NKAIN3: variants seen among roughly 807,000 people sequenced by gnomAD.
The protein encoded by NKAIN3 is sodium/potassium-transporting ATPase subunit beta-1-interacting protein 3.
A neutral mutation model predicts 30.2 loss-of-function variants in NKAIN3; 25 were observed. The ratio of observed to expected loss-of-function variants is 0.83; its 90% CI spans 0.60 to 1.16. The LOEUF (loss-of-function observed/expected upper bound fraction) is 1.16, where lower values mean the gene tolerates loss of function less well. Ranked by LOEUF, NKAIN3 falls within the 50% of genes most tolerant of loss-of-function variation. The pLI is 0.00. For missense variants in NKAIN3, 225 were observed against 254.1 expected (o/e 0.89, Z 0.78); for synonymous variants, 91 against 89.6 (o/e 1.02, Z -0.09).
At position 62,977,373 on chromosome 8, in the gene NKAIN3, T is replaced by A. The variant is rs908180378; in HGVS notation, c.*11966T>A. On this transcript the variant is annotated 3_prime_UTR_variant, in exon 7 of 7. Coordinates refer to ENST00000623646, the MANE Select transcript of NKAIN3 (RefSeq NM_001304533.3). ...GTCTTTTCACATAGTCCCATATTTC[T>A]GAGAGGTTCTGTTCATTCCTTTTCC... is the stretch of plus-strand genomic sequence containing the variant. Among the ~76,000 whole-genome samples, 5 of 152,242 alleles carry A rather than the reference T, an allele frequency of 3.3e-5. No individual in the cohort carries two copies. Among genetic ancestry groups the A allele is most frequent in the Middle Eastern group, 3.4e-3 (1 of 294 alleles).
chr8:62,958,352 G>A (rs1428665689), intron 6 of NKAIN3, among the ~76,000 whole-genome samples: 1 of 152,076 alleles, frequency 6.6e-6, no homozygotes, highest in Non-Finnish European at 1.5e-5. Flanking sequence ...CACAGGTCAG[G>A]AGTCATCCGT....
At chr8:62,933,671 T>C (rs1305697474) in intron 5 of NKAIN3, among the ~76,000 whole-genome samples, 7 of 152,190 alleles carry the variant, frequency 4.6e-5, no homozygotes, top group Non-Finnish European at 8.8e-5. Flanking sequence ...GAAAAAATTG[T>C]CAGCACTGAG....
intron 4 of NKAIN3, among the ~76,000 whole-genome samples, chr8:62,810,030 C>T (rs13259878): frequency 0.88 from 133,797 of 152,124 alleles, 58,966 homozygotes; most frequent in Admixed American, 0.9. Flanking sequence ...CTCACAGGGT[C>T]CAAGGTGGAA....
intron 1 of NKAIN3, among the ~76,000 whole-genome samples, chr8:62,313,961 G>A (rs1814532588): frequency 3.9e-5 from 6 of 151,964 alleles, no homozygotes; most frequent in Admixed American, 3.9e-4. Context: ...GAACACAAAA[G>A]TACTCTCAAT....
intron 4 of NKAIN3, among the ~76,000 whole-genome samples, chr8:62,894,783 T>A (rs1821385082): frequency 6.6e-6 from 1 of 152,158 alleles, no homozygotes; most frequent in Admixed American, 6.6e-5. Flanking sequence ...CTAGTAAATA[T>A]CAGAGACTCA....
chr8:62,418,593 G>A (rs1409823672), intron 1 of NKAIN3, among the ~76,000 whole-genome samples: 1 of 152,020 alleles, frequency 6.6e-6, no homozygotes, highest in African/African-American at 2.4e-5. Flanking sequence ...TTCTTTGACT[G>A]GTCTGAGTGG....
At chr8:62,732,413 T>G (rs1257850902) in intron 3 of NKAIN3, among the ~76,000 whole-genome samples, 5 of 152,120 alleles carry the variant, frequency 3.3e-5, no homozygotes, top group Non-Finnish European at 7.4e-5. Context: ...TTTATACATT[T>G]TTTTGCTATT....
chr8:62,932,765 GTCTC>G (rs1192628207), intron 5 of NKAIN3, among the ~76,000 whole-genome samples: 5 of 151,956 alleles, frequency 3.3e-5, no homozygotes, highest in South Asian at 2.1e-4. Flanking sequence ...TAGAGACAGG[GTCTC>G]TCTCTGTCAC....
intron 5 of NKAIN3, among the ~76,000 whole-genome samples, chr8:62,996,002 C>T (rs910843881): frequency 3.3e-5 from 5 of 152,154 alleles, no homozygotes; most frequent in African/African-American, 1.2e-4. Flanking sequence ...AGACTGAGAA[C>T]CACTGGTCCA....
chr8:62,933,203 A>G (rs1205394759), intron 5 of NKAIN3, among the ~76,000 whole-genome samples: 1 of 152,202 alleles, frequency 6.6e-6, no homozygotes, highest in Non-Finnish European at 1.5e-5. Context: ...TATAAAAGAG[A>G]TCTCAGTGAG....
At chr8:62,915,238 A>C (rs191088508) in intron 4 of NKAIN3, among the ~76,000 whole-genome samples, 10 of 152,332 alleles carry the variant, frequency 6.6e-5, no homozygotes, top group African/African-American at 2.2e-4. Context: ...ATCATTGCAC[A>C]TGGCAAACGA....
At position 62,972,086 on chromosome 8, in the gene NKAIN3, C is replaced by G. The variant is rs11985884; in HGVS notation, c.*6679C>G. Reference sequence around the variant, plus strand: ...ACTTGGCTATTTTATTTTGGTAGGGCCTTCTCTTCTGAATTGATTGGTAGT... The same window carrying G: ...ACTTGGCTATTTTATTTTGGTAGGGGCTTCTCTTCTGAATTGATTGGTAGT... On this transcript the variant is annotated 3_prime_UTR_variant, in exon 7 of 7. Transcript: ENST00000623646. Among the ~76,000 whole-genome samples the G allele has an allele frequency of 0.11, 16,148 of 152,054 alleles. 898 individuals are homozygous for G. The highest frequency in any genetic ancestry group is 0.17 in the South Asian group (816 of 4,812).
At chr8:62,346,977 A>T (rs1464173990) in intron 1 of NKAIN3, among the ~76,000 whole-genome samples, 1 of 152,072 alleles carries the variant, frequency 6.6e-6, no homozygotes, top group African/African-American at 2.4e-5. Context: ...TTTAAACAGG[A>T]GAACTGAGGA....
chr8:62,288,549 T>C (rs1452013225), intron 1 of NKAIN3, among the ~76,000 whole-genome samples: 1 of 152,218 alleles, frequency 6.6e-6, no homozygotes, highest in African/African-American at 2.4e-5. Flanking sequence ...GCTTCATCCA[T>C]GTCCCCATAA....
At chr8:62,877,734 C>A (rs1348821020) in intron 4 of NKAIN3, among the ~76,000 whole-genome samples, 1 of 152,058 alleles carries the variant, frequency 6.6e-6, no homozygotes, top group Non-Finnish European at 1.5e-5. Context: ...ATAGTATCAA[C>A]AAAGAGAAAG....
At chr8:62,752,437 T>C (rs1239378588) in intron 4 of NKAIN3, among the ~76,000 whole-genome samples, 1 of 152,206 alleles carries the variant, frequency 6.6e-6, no homozygotes, top group Non-Finnish European at 1.5e-5. Context: ...ACATAATTCC[T>C]GTGATCTTCA....
At chr8:62,493,816 T>A (rs1807149279) in intron 1 of NKAIN3, among the ~76,000 whole-genome samples, 6 of 152,192 alleles carry the variant, frequency 3.9e-5, no homozygotes, top group Admixed American at 3.3e-4. Context: ...ATTTCTGATT[T>A]GGCTCTTGGC....
intron 1 of NKAIN3, among the ~76,000 whole-genome samples, chr8:62,267,028 T>C (rs1280603290): frequency 6.6e-6 from 1 of 152,228 alleles, no homozygotes; most frequent in East Asian, 1.9e-4. Context: ...AATTATTCCC[T>C]GGGTGAACCC....
At chr8:62,912,695 A>C (rs1216742077) in intron 4 of NKAIN3, among the ~76,000 whole-genome samples, 4 of 152,118 alleles carry the variant, frequency 2.6e-5, no homozygotes, top group Non-Finnish European at 5.9e-5. Context: ...GGATCACCTG[A>C]GGTCGGGAGT....
Sources: gnomAD v4.1 joint callset for allele counts (sites outside exome capture counted in the v4.1 genomes callset) on GRCh38, gnomAD v4.1.1 for gene constraint, MANE v1.5 for transcripts, NCBI Gene and HGNC (gene_info 2026-07-23, HGNC 2026-07-21) for gene names.